The following CHRM3 variants were observed in gnomAD, a reference collection of about 807,000 sequenced individuals.
CHRM3 encodes cholinergic receptor muscarinic 3, also known as muscarinic acetylcholine receptor M3.
Under a neutral mutation model 41.8 loss-of-function variants are expected in CHRM3, and 11 were observed. The observed-to-expected ratio is 0.26, with a 90% CI of 0.17 to 0.44. The LOEUF is 0.44. Ranked by LOEUF, CHRM3 falls within the 20% of genes least tolerant of loss-of-function variation. The pLI, the probability that CHRM3 is intolerant of heterozygous loss-of-function variation, is 1.00. For synonymous variants in CHRM3, 297 were observed against 301.4 expected, an observed-to-expected ratio of 0.99 and a Z score of 0.15; for missense variants, 571 against 745.4, an observed-to-expected ratio of 0.77 and a Z score of 2.72.
At chr1:239,509,758 G>A (rs1436987357) in intron 2 of CHRM3, among the ~76,000 whole-genome samples, 7 of 152,074 alleles carry the variant, frequency 4.6e-5, no homozygotes, top group Non-Finnish European at 8.8e-5. Flanking sequence ...CTTAGATATC[G>A]TGTATGCTGG....
chr1:239,706,704 G>A (rs1336224405), intron 5 of CHRM3, among the ~76,000 whole-genome samples: 5 of 146,368 alleles, frequency 3.4e-5, no homozygotes, highest in African/African-American at 1.3e-4. Flanking sequence ...CCACACACAC[G>A]TGTGCATGTA....
At chr1:239,667,268 C>T (rs1399568808) in intron 4 of CHRM3, among the ~76,000 whole-genome samples, 1 of 152,168 alleles carries the variant, frequency 6.6e-6, no homozygotes, top group Non-Finnish European at 1.5e-5. Context: ...CAGACACATT[C>T]CTTTTTCTTT....
intron 5 of CHRM3, among the ~76,000 whole-genome samples, chr1:239,825,473 CACTTATATATG>C (rs1321902531): frequency 6.6e-6 from 1 of 152,130 alleles, no homozygotes; most frequent in Non-Finnish European, 1.5e-5. Context: ...GTACACTCAG[CACTTATATATG>C]ACTGTAAGTT....
intron 2 of CHRM3, among the ~76,000 whole-genome samples, chr1:239,545,394 G>A (rs1221591720): frequency 6.6e-6 from 1 of 152,092 alleles, no homozygotes; most frequent in African/African-American, 2.4e-5. Context: ...GGTGATAGGT[G>A]TACTAAAATC....
intron 5 of CHRM3, among the ~76,000 whole-genome samples, chr1:239,825,741 G>T (rs1157848142): frequency 6.6e-6 from 1 of 152,040 alleles, no homozygotes; most frequent in African/African-American, 2.4e-5. Context: ...TGGAGACAGG[G>T]TCTTGCTCTT....
chr1:239,749,076 G>T (rs979572481), intron 5 of CHRM3, among the ~76,000 whole-genome samples: 1 of 152,174 alleles, frequency 6.6e-6, no homozygotes, highest in Non-Finnish European at 1.5e-5. Flanking sequence ...CAGAAGGCCA[G>T]ATACATATTT....
intron 5 of CHRM3, among the ~76,000 whole-genome samples, chr1:239,806,499 G>C (rs904788190): frequency 1.7e-4 from 26 of 152,130 alleles, no homozygotes; most frequent in Non-Finnish European, 2.9e-5. Flanking sequence ...AGATGGGTGT[G>C]CTTAGGAAAA....
intron 5 of CHRM3, among the ~76,000 whole-genome samples, chr1:239,696,575 A>G (rs1329448381): frequency 1.3e-5 from 2 of 152,160 alleles, no homozygotes; most frequent in African/African-American, 2.4e-5. Flanking sequence ...AATAAAATAC[A>G]TGGAAAGCAC....
chr1:239,433,529 T>A (rs990124874), intron 1 of CHRM3, among the ~76,000 whole-genome samples: 1 of 152,188 alleles, frequency 6.6e-6, no homozygotes, highest in African/African-American at 2.4e-5. Context: ...AGCTCTTTAG[T>A]GGTGATTTGT....
intron 4 of CHRM3, among the ~76,000 whole-genome samples, chr1:239,653,339 G>T (rs1283364163): frequency 6.6e-6 from 1 of 152,088 alleles, no homozygotes; most frequent in East Asian, 1.9e-4. Context: ...ACACAGAAGG[G>T]GATAAGATAC....
chr1:239,541,876 T>C (rs1658815128), intron 2 of CHRM3, among the ~76,000 whole-genome samples: 1 of 152,200 alleles, frequency 6.6e-6, no homozygotes, highest in Non-Finnish European at 1.5e-5. Flanking sequence ...TACTTGTTCA[T>C]TCTTCATTTC....
chr1:239,613,714 ATGTG>A (rs1277168628), intron 3 of CHRM3, among the ~76,000 whole-genome samples: 1 of 152,110 alleles, frequency 6.6e-6, no homozygotes, highest in African/African-American at 2.4e-5. Flanking sequence ...TTCCCTCTGC[ATGTG>A]TGTGTTTCTT....
chr1:239,852,071 A>T (rs1468500522), intron 6 of CHRM3, among the ~76,000 whole-genome samples: 1 of 152,118 alleles, frequency 6.6e-6, no homozygotes, highest in African/African-American at 2.4e-5. Flanking sequence ...TTAACTTATC[A>T]GCAGAAACAT....
intron 6 of CHRM3, among the ~76,000 whole-genome samples, chr1:239,904,355 C>T (rs528952280): frequency 6.6e-6 from 1 of 152,274 alleles, no homozygotes; most frequent in Admixed American, 6.5e-5. Context: ...TTAAGAGGCA[C>T]CCCAGACTCC....
At chr1:239,774,166 G>A (rs550202991) in intron 5 of CHRM3, among the ~76,000 whole-genome samples, 59 of 152,274 alleles carry the variant, frequency 3.9e-4, no homozygotes, top group Non-Finnish European at 6.5e-4. Context: ...GTAATACCAG[G>A]ACTCTTCCTA....
chr1:239,822,475 A>T (rs1672132131), intron 5 of CHRM3, among the ~76,000 whole-genome samples: 1 of 152,226 alleles, frequency 6.6e-6, no homozygotes, highest in Non-Finnish European at 1.5e-5. Flanking sequence ...ATAATGATTT[A>T]TCTAGCATGA....
At chr1:239,775,811 G>T (rs560045095) in intron 5 of CHRM3, among the ~76,000 whole-genome samples, 1 of 152,178 alleles carries the variant, frequency 6.6e-6, no homozygotes, top group Non-Finnish European at 1.5e-5. Context: ...GGAGCTGAAG[G>T]CTTGGAACTG....
intron 5 of CHRM3, among the ~76,000 whole-genome samples, chr1:239,807,179 A>G (rs1262566056): frequency 6.6e-6 from 1 of 152,240 alleles, no homozygotes; most frequent in Non-Finnish European, 1.5e-5. Context: ...TAGGTGGAAG[A>G]TTATGTGACT....
At chr1:239,833,117 A>G (rs1673028337) in intron 6 of CHRM3, among the ~76,000 whole-genome samples, 2 of 152,172 alleles carry the variant, frequency 1.3e-5, no homozygotes, top group Admixed American at 1.3e-4. Context: ...AGACATTTTA[A>G]TGAAGCTGCA....
Sources: allele counts gnomAD v4.1 joint callset (sites outside exome capture counted in the v4.1 genomes callset), GRCh38; gene constraint gnomAD v4.1.1; transcripts MANE v1.5; gene names NCBI Gene and HGNC (gene_info 2026-07-23, HGNC 2026-07-21).